The following EIF3E variants were observed in gnomAD, a reference collection of about 807,000 sequenced individuals.
The protein encoded by EIF3E is eIF-3 p48.
EIF3E carries 25 observed loss-of-function variants against 59.3 expected under a neutral mutation model. That is an observed-to-expected ratio of 0.42 (90% CI 0.31 to 0.59). The LOEUF is 0.59. EIF3E is among the 20% of genes least tolerant of loss of function. EIF3E has a pLI of 0.15. For synonymous variants in EIF3E, 176 were observed against 170.2 expected (o/e 1.03, Z -0.26); for missense variants, 317 against 534.3 (o/e 0.59, Z 4.01).
chr8:108,210,841 G>A (rs1053171021), intron 10 of EIF3E, among the ~76,000 whole-genome samples: 9 of 151,816 alleles, frequency 5.9e-5, no homozygotes, highest in South Asian at 2.1e-4. Flanking sequence ...GTGAGAACAT[G>A]CGGTGTTTGG....
intron 10 of EIF3E, among the ~76,000 whole-genome samples, chr8:108,208,922 G>A (rs1262796898): frequency 1.3e-5 from 2 of 151,974 alleles, no homozygotes; most frequent in Non-Finnish European, 2.9e-5. Context: ...AATCTTTTTT[G>A]ACAGATGTTG....
chr8:108,241,572 A>G lies in EIF3E; in HGVS notation c.205+227T>C, dbSNP rs537578714. On this transcript the variant is annotated intron_variant, in intron 2 of 12. Transcript: ENST00000220849. ...CAACTTTGATGATACATACTATGAAATGAAGGCATCTGATGACCATATTTT... is the reference window on the plus strand; with the variant it reads ...CAACTTTGATGATACATACTATGAAGTGAAGGCATCTGATGACCATATTTT... 6.6e-5 allele frequency among the ~76,000 whole-genome samples: 10 copies of G among 152,364 alleles called. No homozygotes were observed. The East Asian group carries it at 1.9e-3, about 29-fold the overall frequency.
intron 5 of EIF3E, among the ~76,000 whole-genome samples, chr8:108,232,689 T>G (rs1815646265): frequency 6.6e-6 from 1 of 152,202 alleles, no homozygotes. Flanking sequence ...GCAAGTTTTT[T>G]AATCCTCAAA....
intron 10 of EIF3E, among the ~76,000 whole-genome samples, chr8:108,208,245 C>T (rs929470620): frequency 2.0e-5 from 3 of 152,080 alleles, no homozygotes; most frequent in Non-Finnish European, 4.4e-5. Flanking sequence ...CAAATTTTAT[C>T]TGATAGGCAC....
intron 10 of EIF3E, among the ~76,000 whole-genome samples, chr8:108,214,311 T>G (rs969099231): frequency 6.6e-6 from 1 of 152,192 alleles, no homozygotes; most frequent in Non-Finnish European, 1.5e-5. Flanking sequence ...TTTACTACAC[T>G]TTTCTCCTTA....
At position 108,213,681 on chromosome 8, in the gene EIF3E, A is replaced by G. The variant is rs77462368; in HGVS notation, c.1061+926T>C. On this transcript the variant is annotated intron_variant, in intron 10 of 12. Coordinates refer to ENST00000220849, the MANE Select transcript of EIF3E (RefSeq NM_001568.3). ...TACCTACCTCTTTATTTCATAACCAATTACATTATTAGGAATTTTCATGTA... is the reference window on the plus strand; with the variant it reads ...TACCTACCTCTTTATTTCATAACCAGTTACATTATTAGGAATTTTCATGTA... 8.8e-3 allele frequency among the ~76,000 whole-genome samples: 1,343 copies of G among 152,320 alleles called. 36 individuals carry two copies. Among genetic ancestry groups the G allele is most frequent in the African/African-American group, 0.031 (1,280 of 41,570 alleles).
At position 108,241,878 on chromosome 8, in the gene EIF3E, C is replaced by A; in HGVS notation, c.126G>T (p.Leu42Phe). 1.3e-6 allele frequency: 2 copies of A among 1,599,256 alleles called. No individual in the cohort carries two copies. Among genetic ancestry groups the A allele is most frequent in the Non-Finnish European group, 1.7e-6 (2 of 1,175,294 alleles). ...CCATGTTGGTATCACTAAGAAGGTC[C>A]AATTTACCTTGTAATAATTCCTTTT... is the stretch of plus-strand genomic sequence containing the variant. Reference protein sequence around the residue: ...YNEKELLQGKLDLLSDTNMVD... With the variant: ...YNEKELLQGKFDLLSDTNMVD... The change falls in exon 2 of 13, where the codon TTG (leucine) becomes TTT (phenylalanine). Residue 42 changes from leucine (L) to phenylalanine (F), a missense_variant. Leu to Phe is a conservative substitution (Grantham distance 22, BLOSUM62 0). This residue lies in a region of EIF3E where 242 missense variants were observed against 398.0 expected (regional missense o/e 0.61). Transcript: ENST00000220849.
chr8:108,215,099 G>T (rs1815277339), intron 9 of EIF3E, among the ~76,000 whole-genome samples: 1 of 152,152 alleles, frequency 6.6e-6, no homozygotes, highest in Non-Finnish European at 1.5e-5. Context: ...AGAAGGAAAA[G>T]AATGCAAAAG....
chr8:108,229,343 A>C, intron 5 of EIF3E, 148 bp from the exon 6 acceptor site: 1 of 715,068 alleles, frequency 1.4e-6, no homozygotes, highest in Non-Finnish European at 2.1e-6. Context: ...TTATTGGATC[A>C]CACTGGTTTG....
At chr8:108,219,383 T>C (rs1263597452) in intron 7 of EIF3E, among the ~76,000 whole-genome samples, 2 of 152,138 alleles carry the variant, frequency 1.3e-5, no homozygotes, top group Non-Finnish European at 2.9e-5. Context: ...ATTCAGAATA[T>C]TATGCCAGAT....
chr8:108,239,128 A>G (rs1326574059), intron 3 of EIF3E, among the ~76,000 whole-genome samples: 3 of 152,294 alleles, frequency 2.0e-5, no homozygotes, highest in African/African-American at 7.2e-5. Context: ...TTTCTCTTAT[A>G]ACGAGATACC....
At chr8:108,206,037 C>CA (rs1382776439) in intron 10 of EIF3E, among the ~76,000 whole-genome samples, 2 of 152,072 alleles carry the variant, frequency 1.3e-5, no homozygotes, top group Non-Finnish European at 2.9e-5. Flanking sequence ...AGTTTATTTC[C>CA]AAATTCCTTT....
At chr8:108,209,144 G>A (rs1815160782) in intron 10 of EIF3E, among the ~76,000 whole-genome samples, 1 of 151,988 alleles carries the variant, frequency 6.6e-6, no homozygotes, top group South Asian at 2.1e-4. Flanking sequence ...ACTATTTTCA[G>A]CATTTGAAAT....
chr8:108,224,178 C>A (rs190843991), intron 7 of EIF3E, among the ~76,000 whole-genome samples: 1 of 151,064 alleles, frequency 6.6e-6, no homozygotes, highest in South Asian at 2.1e-4. Flanking sequence ...GCCGAGATTG[C>A]GCCACTGCAC....
chr8:108,212,594 G>T (rs1298944985), intron 10 of EIF3E, among the ~76,000 whole-genome samples: 1 of 152,166 alleles, frequency 6.6e-6, no homozygotes, highest in South Asian at 2.1e-4. Flanking sequence ...TTGAGGCCAG[G>T]AGTTCAAGAC....
intron 5 of EIF3E, among the ~76,000 whole-genome samples, chr8:108,229,884 C>G (rs1815589315): frequency 6.6e-6 from 1 of 152,096 alleles, no homozygotes; most frequent in African/African-American, 2.4e-5. Context: ...AAATTTTACA[C>G]CACAGTCTTA....
At chr8:108,231,912 A>T (rs972165595) in intron 5 of EIF3E, 1 of 151,966 alleles carries the variant, frequency 6.6e-6, no homozygotes, top group Non-Finnish European at 1.5e-5. Context: ...CTGACCTACA[A>T]TAGGTCATTT....
intron 1 of EIF3E, among the ~76,000 whole-genome samples, chr8:108,246,811 T>A (rs1815958424): frequency 6.6e-6 from 1 of 152,188 alleles, no homozygotes; most frequent in Admixed American, 6.5e-5. Context: ...GTAAATGTAT[T>A]TTCTCTTCCT....
rs568571352 is a variant in EIF3E, at chr8:108,217,411, T to C, written c.772A>G (p.Thr258Ala). 1.6e-5 allele frequency: 26 copies of C among 1,604,992 alleles called. No homozygotes were observed. The South Asian group carries it at 2.9e-4, about 18-fold the overall frequency. The change falls in exon 8 of 13, where the codon ACT becomes GCT. Residue 258 changes from threonine to alanine, a missense_variant. Physicochemically the swap from Thr to Ala is moderately conservative, Grantham distance 58. Coordinates refer to ENST00000220849, the MANE Select transcript of EIF3E (RefSeq NM_001568.3). ...TCCTTGTTTGTTATGACTGCTGTAG[T>C]CAAATAGCGAAGAATGTGTGGACAC... Reference protein sequence around the residue: ...TMCPHILRYLTTAVITNKDVR... With the variant: ...TMCPHILRYLATAVITNKDVR...
Sources: gnomAD v4.1 joint callset for allele counts (sites outside exome capture counted in the v4.1 genomes callset) on GRCh38, gnomAD v4.1.1 for gene constraint, gnomAD v4.1.1 regional missense constraint, MANE v1.5 for transcripts, NCBI Gene and HGNC (gene_info 2026-07-23, HGNC 2026-07-21) for gene names.